Variants in PCDHGA3 observed in about 807,000 individuals in gnomAD.
PCDHGA3 encodes the protein protocadherin gamma subfamily A, 3.
Under a neutral mutation model 58.5 loss-of-function variants are expected in PCDHGA3, and 40 were observed. That is an observed-to-expected ratio of 0.68 (90% CI 0.53 to 0.89). PCDHGA3 has a LOEUF of 0.89. Among genes scored for constraint, PCDHGA3 ranks in the 40% least tolerant of loss-of-function variants. The pLI is 0.00. For missense variants in PCDHGA3, 1,223 were observed against 1,195.9 expected, an observed-to-expected ratio of 1.02 and a Z score of -0.33; for synonymous variants, 530 against 525.7, an observed-to-expected ratio of 1.01 and a Z score of -0.11.
rs1589038346 is a variant in PCDHGA3, at chr5:141,387,562, C to T, written c.2424+41105C>T. The T allele has an allele frequency of 6.9e-6, 3 of 437,514 alleles. No individual in the cohort carries two copies. The Admixed American group carries it at 1.2e-4, about 17-fold the overall frequency. The allele number at this position is 437,514 out of a possible 1,614,324, so 27.1% of individuals were successfully genotyped here. A position where few individuals can be genotyped will look rare whatever the true frequency, so the allele number is the denominator to read the frequency against. ...GTTTTTGTTCTTTCAGTTAGGCACA[C>T]AATTATAATTATTGCACTGGTTAAC... On this transcript the variant is annotated intron_variant, in intron 1 of 3. Transcript: ENST00000253812.
At chr5:141,372,324 G>T (rs559633972) in intron 1 of PCDHGA3, 3 of 1,613,586 alleles carry the variant, frequency 1.9e-6, no homozygotes, top group African/African-American at 1.3e-5. Flanking sequence ...GCGCCTGCTG[G>T]TCACTGTGCG....
chr5:141,403,634 A>T, intron 1 of PCDHGA3: 1 of 1,613,920 alleles, frequency 6.2e-7, no homozygotes, highest in Non-Finnish European at 8.5e-7. Flanking sequence ...CACAGTGCGC[A>T]TCCATGTGAC....
In PCDHGA3 at chr5:141,357,153, G is replaced by C; in HGVS notation, c.2424+10696G>C. On this transcript the variant is annotated intron_variant, in intron 1 of 3. Coordinates refer to ENST00000253812, the MANE Select transcript of PCDHGA3 (RefSeq NM_018916.4). ...TAGTGGTCGTCCAGGACCATGGCCA[G>C]CCCCCTCTCTCGGCCACCGTCACAC... is the stretch of plus-strand genomic sequence containing the variant. The C allele has an allele frequency of 1.9e-6, 3 of 1,613,624 alleles. No homozygotes were observed. The South Asian group carries it at 3.3e-5, about 18-fold the overall frequency.
chr5:141,434,564 A>C (rs2097703207), intron 1 of PCDHGA3, among the ~76,000 whole-genome samples: 1 of 152,228 alleles, frequency 6.6e-6, no homozygotes, highest in Admixed American at 6.5e-5. Context: ...CCTTAAGGAC[A>C]TGCCCCTGCT....
chr5:141,365,012 A>G (rs1309716907), intron 1 of PCDHGA3: 2 of 1,613,794 alleles, frequency 1.2e-6, no homozygotes, highest in African/African-American at 2.7e-5. Context: ...CACCACGCAC[A>G]TCCGTGTTAC....
chr5:141,403,367 G>A (rs753470303), intron 1 of PCDHGA3: 1 of 1,614,038 alleles, frequency 6.2e-7, no homozygotes, highest in South Asian at 1.1e-5. Context: ...CGAAAGTCTG[G>A]AAGTAAAAAT....
intron 1 of PCDHGA3, chr5:141,355,875 T>A: frequency 6.2e-7 from 1 of 1,613,100 alleles, no homozygotes; most frequent in Non-Finnish European, 8.5e-7. Flanking sequence ...GCTCTGGCAC[T>A]GCCAGGATTC....
In PCDHGA3 at chr5:141,385,275, A is replaced by G. The variant is rs115152670; in HGVS notation, c.2424+38818A>G. The G allele has an allele frequency of 1.9e-3, 3,011 of 1,613,598 alleles. 48 individuals carry two copies. In the African/African-American group the frequency reaches 0.033, roughly 18 times the overall value. On this transcript the variant is annotated intron_variant, in intron 1 of 3. Coordinates refer to ENST00000253812, the MANE Select transcript of PCDHGA3 (RefSeq NM_018916.4). ...GCTGTGAGAAAAATGATTCTTTGCTAACATCCGTAGATTTTCAGGAATGTA... is the reference window on the plus strand; with the variant it reads ...GCTGTGAGAAAAATGATTCTTTGCTGACATCCGTAGATTTTCAGGAATGTA...
chr5:141,430,328 T>C (rs961978065), intron 1 of PCDHGA3, among the ~76,000 whole-genome samples: 1 of 152,036 alleles, frequency 6.6e-6, no homozygotes, highest in Non-Finnish European at 1.5e-5. Flanking sequence ...AAATCATTGT[T>C]TATAGAAACT....
At chr5:141,422,786 C>T in intron 1 of PCDHGA3, 1 of 1,614,178 alleles carries the variant, frequency 6.2e-7, no homozygotes, top group Non-Finnish European at 8.5e-7. Context: ...GCCCTACAAT[C>T]CTTCGACTAT....
intron 1 of PCDHGA3, chr5:141,366,586 C>G (rs1373110985): frequency 6.2e-7 from 1 of 1,614,262 alleles, no homozygotes; most frequent in Non-Finnish European, 8.5e-7. Flanking sequence ...TCCTGCAGAC[C>G]TATTCCCACG....
intron 1 of PCDHGA3, among the ~76,000 whole-genome samples, chr5:141,463,318 C>A (rs2099056713): frequency 6.6e-6 from 1 of 151,878 alleles, no homozygotes; most frequent in East Asian, 1.9e-4. Flanking sequence ...ATATCTATTC[C>A]TCAACTCAGC....
chr5:141,419,763 A>T, intron 1 of PCDHGA3: 1 of 1,614,014 alleles, frequency 6.2e-7, no homozygotes, highest in South Asian at 1.1e-5. Flanking sequence ...TTGGGTGACA[A>T]GGACTCGGTC....
chr5:141,384,670 G>A, intron 1 of PCDHGA3: 1 of 1,614,220 alleles, frequency 6.2e-7, no homozygotes. Context: ...GGTGACCAAG[G>A]TGGTGGCGGT....
chr5:141,421,328 A>G (rs1355932974), intron 1 of PCDHGA3: 1 of 1,613,902 alleles, frequency 6.2e-7, no homozygotes. Flanking sequence ...CAGATCCGAT[A>G]TTCGGTGCCA....
At position 141,432,180 on chromosome 5, in the gene PCDHGA3, T is replaced by G. The variant is rs943491593; in HGVS notation, c.2425-62627T>G. 2 of 1,614,044 alleles carry G rather than the reference T, an allele frequency of 1.2e-6. No homozygotes were observed. The highest frequency in any genetic ancestry group is 1.7e-6 in the Non-Finnish European group (2 of 1,180,036). ...CCCAGAGGAGTTTCCCTCGTCTCTG[T>G]GACCGCCCACGACCCCGACTGTGAA... On this transcript the variant is annotated intron_variant, in intron 1 of 3. Coordinates refer to ENST00000253812, the MANE Select transcript of PCDHGA3 (RefSeq NM_018916.4). This position sits in a 1 kb window ranked among gnomAD's most constrained non-coding sequence, Gnocchi z 6.0.
At chr5:141,403,300 G>C (rs1469024873) in intron 1 of PCDHGA3, 4 of 1,613,892 alleles carry the variant, frequency 2.5e-6, no homozygotes, top group Non-Finnish European at 3.4e-6. Context: ...GAGTGAAACT[G>C]TACGGAATAG....
At chr5:141,500,411 G>A (rs376320602) in intron 2 of PCDHGA3, among the ~76,000 whole-genome samples, 4 of 151,592 alleles carry the variant, frequency 2.6e-5, no homozygotes, top group East Asian at 2.0e-4. Context: ...GGGTTTCACC[G>A]TGTTAGCCAG....
intron 1 of PCDHGA3, chr5:141,383,586 G>A (rs1483422462): frequency 6.2e-7 from 1 of 1,613,654 alleles, no homozygotes; most frequent in Admixed American, 1.7e-5. Flanking sequence ...CCCACATCCA[G>A]GTGACAGTGG....
Sources: allele counts gnomAD v4.1 joint callset (sites outside exome capture counted in the v4.1 genomes callset), GRCh38; gene constraint gnomAD v4.1.1; non-coding constraint Gnocchi (gnomAD v3.1); transcripts MANE v1.5; gene names NCBI Gene and HGNC (gene_info 2026-07-23, HGNC 2026-07-21).